Variants in IRAG1 observed in about 807,000 individuals in gnomAD.
The protein encoded by IRAG1 is IP3R-associated cGMP kinase substrate.
In IRAG1, 62 loss-of-function variants were observed where a neutral mutation model predicts 106.2. That is an observed-to-expected ratio of 0.58 (90% CI 0.48 to 0.72). The LOEUF is 0.72. Ranked by LOEUF, IRAG1 falls within the 30% of genes least tolerant of loss-of-function variation. The pLI, the probability that IRAG1 is intolerant of heterozygous loss-of-function variation, is 0.00. For missense variants in IRAG1, 1,064 were observed against 1,140.7 expected (o/e 0.93, Z 0.97); for synonymous variants, 462 against 443.9 (o/e 1.04, Z -0.51).
chr11:10,579,240 C>G (rs1851145530), intron 20 of IRAG1, among the ~76,000 whole-genome samples: 1 of 152,164 alleles, frequency 6.6e-6, no homozygotes, highest in Admixed American at 6.5e-5. Context: ...GAATTCTCCA[C>G]CAACTGGGCT....
At position 10,657,129 on chromosome 11, in the gene IRAG1, G is replaced by A. The variant is rs746069651; in HGVS notation, c.68-4947C>T. On this transcript the variant is annotated intron_variant, in intron 1 of 20. Coordinates refer to ENST00000423302, the MANE Select transcript of IRAG1 (RefSeq NM_130385.4). This position sits in a 1 kb window ranked among gnomAD's most constrained non-coding sequence, Gnocchi z 4.1. ...GAAAGTATAGAGCCATCATCGGGAC[G>A]CACGGTTCAGGAACAGAATTTACAG... Among the ~76,000 whole-genome samples the A allele has an allele frequency of 1.3e-5, 2 of 152,154 alleles. No homozygotes were observed. The highest frequency in any genetic ancestry group is 2.4e-5 in the African/African-American group (1 of 41,408).
At chr11:10,627,383 G>A (rs1433566809) in intron 8 of IRAG1, among the ~76,000 whole-genome samples, 3 of 152,132 alleles carry the variant, frequency 2.0e-5, no homozygotes, top group African/African-American at 7.2e-5. Context: ...AGGGGCTGGC[G>A]CTTTCCTGCC....
At chr11:10,617,850 T>C (rs1401473601) in intron 10 of IRAG1, among the ~76,000 whole-genome samples, 1 of 152,156 alleles carries the variant, frequency 6.6e-6, no homozygotes, top group African/African-American at 2.4e-5. Context: ...ACCACCTCAT[T>C]ACCTCTCACC....
At chr11:10,599,175 G>A (rs1853669092) in intron 15 of IRAG1, among the ~76,000 whole-genome samples, 1 of 152,216 alleles carries the variant, frequency 6.6e-6, no homozygotes, top group African/African-American at 2.4e-5. Flanking sequence ...TCGGAAGTCT[G>A]CTTTCTTCTG....
intron 1 of IRAG1, among the ~76,000 whole-genome samples, chr11:10,663,229 A>C (rs1334355812): frequency 6.6e-6 from 1 of 152,170 alleles, no homozygotes; most frequent in Non-Finnish European, 1.5e-5. Flanking sequence ...ATAAATAAAT[A>C]AATAAGCAAA....
intron 10 of IRAG1, among the ~76,000 whole-genome samples, chr11:10,615,569 T>G (rs1180221358): frequency 6.6e-6 from 1 of 152,178 alleles, no homozygotes; most frequent in Admixed American, 6.5e-5. Context: ...TAAGAAAATG[T>G]GGCACATATA....
intron 20 of IRAG1, 77 bp downstream of exon 20, chr11:10,580,378 G>C (rs1410222968): frequency 1.3e-6 from 2 of 1,557,622 alleles, no homozygotes; most frequent in African/African-American, 2.8e-5. Flanking sequence ...CATTTCCAGG[G>C]ATTTTGTGCA....
intron 1 of IRAG1, among the ~76,000 whole-genome samples, chr11:10,682,393 AGGGACAACTTGCCAAAT>A (rs1861327752): frequency 6.6e-6 from 1 of 152,232 alleles, no homozygotes; most frequent in African/African-American, 2.4e-5. Context: ...ATCGTGATAT[AGGGACAACTTGCCAAAT>A]GTTTTCAGGT....
chr11:10,604,347 A>G (rs1854302173), intron 13 of IRAG1, 58 bp downstream of exon 13: 2 of 1,605,584 alleles, frequency 1.2e-6, no homozygotes, highest in Non-Finnish European at 8.5e-7. Flanking sequence ...GACACCCTGT[A>G]TGGCCCTTGG....
chr11:10,648,257 G>A (rs925096008), intron 2 of IRAG1, among the ~76,000 whole-genome samples: 2 of 152,138 alleles, frequency 1.3e-5, no homozygotes, highest in Non-Finnish European at 2.9e-5. Flanking sequence ...CCGGCTATTC[G>A]GGAGGCTGAG....
At chr11:10,680,495 AAG>A (rs1215454444) in intron 1 of IRAG1, among the ~76,000 whole-genome samples, 1 of 133,332 alleles carries the variant, frequency 7.5e-6, no homozygotes, top group African/African-American at 3.0e-5. Flanking sequence ...GGGAGGGAGA[AAG>A]AGAGAGAAAG....
rs992281745 is a variant in IRAG1, at chr11:10,657,938, T to C, written c.68-5756A>G. On this transcript the variant is annotated intron_variant, in intron 1 of 20. Coordinates refer to ENST00000423302, the MANE Select transcript of IRAG1 (RefSeq NM_130385.4). This position sits in a 1 kb window ranked among gnomAD's most constrained non-coding sequence, Gnocchi z 4.1. ...GTCAGAAAAGTCCCCAGAGCACCCATGCCCCGAGCCCGGCTGCATGTGGCA... is the reference window on the plus strand; with the variant it reads ...GTCAGAAAAGTCCCCAGAGCACCCACGCCCCGAGCCCGGCTGCATGTGGCA... Among the ~76,000 whole-genome samples the C allele has an allele frequency of 6.6e-6, 1 of 152,230 alleles. No homozygotes were observed. Among genetic ancestry groups the C allele is most frequent in the African/African-American group, 2.4e-5 (1 of 41,464 alleles).
At position 10,615,599 on chromosome 11, in the gene IRAG1, C is replaced by G. The variant is rs562766992; in HGVS notation, c.1448-5748G>C. Among the ~76,000 whole-genome samples the G allele has an allele frequency of 3.6e-3, 554 of 152,044 alleles. 1 individual carries two copies. The highest frequency in any genetic ancestry group is 4.4e-3 in the Non-Finnish European group (300 of 67,970). On this transcript the variant is annotated intron_variant, in intron 10 of 20. Transcript: ENST00000423302. The stretch of plus-strand genomic sequence containing the variant: ...CATATACACCATGGAATACTATGCA[C>G]CCATAAAAAAGGATGAGTTCATGTC...
At chr11:10,603,588 T>C (rs565647799) in intron 13 of IRAG1, among the ~76,000 whole-genome samples, 46 of 152,230 alleles carry the variant, frequency 3.0e-4, no homozygotes, top group Admixed American at 5.9e-4. Flanking sequence ...TAACAGGCCA[T>C]GGTTTGGTAC....
In IRAG1 at chr11:10,685,411, G is replaced by A. The variant is rs1328153339; in HGVS notation, c.67+8125C>T. Among the ~76,000 whole-genome samples the A allele has an allele frequency of 1.9e-4, 17 of 88,072 alleles. No homozygotes were observed. The South Asian group carries it at 6.1e-3, about 32-fold the overall frequency. The allele number at this position is 88,072 out of a possible 152,430, so 57.8% of individuals were successfully genotyped here. On this transcript the variant is annotated intron_variant, in intron 1 of 20. Coordinates refer to ENST00000423302, the MANE Select transcript of IRAG1 (RefSeq NM_130385.4). Reference sequence around the variant, plus strand: ...AGCGTGGGTGATGCAGCAAGATTCCGTTCCCAAAAAAAAAAAAAAAGAATT... The same window carrying A: ...AGCGTGGGTGATGCAGCAAGATTCCATTCCCAAAAAAAAAAAAAAAGAATT...
intron 15 of IRAG1, among the ~76,000 whole-genome samples, chr11:10,594,813 CAATTT>C (rs1319732781): frequency 1.3e-5 from 2 of 152,162 alleles, no homozygotes; most frequent in Admixed American, 6.5e-5. Context: ...TAGTTCAATT[CAATTT>C]GATTCAGTTT....
intron 3 of IRAG1, among the ~76,000 whole-genome samples, chr11:10,633,120 G>GCCGGA (rs1856838547): frequency 6.9e-6 from 1 of 144,770 alleles, no homozygotes; most frequent in Non-Finnish European, 1.5e-5. Flanking sequence ...TGTCGCCCAG[G>GCCGGA]CTGGAGTGCA....
intron 1 of IRAG1, among the ~76,000 whole-genome samples, chr11:10,655,661 CTT>C (rs776011240): frequency 6.6e-6 from 1 of 152,104 alleles, no homozygotes; most frequent in Admixed American, 6.5e-5. Context: ...ATCCTGGACT[CTT>C]TTTAGCTACA....
intron 17 of IRAG1, among the ~76,000 whole-genome samples, chr11:10,592,766 G>A (rs1197320324): frequency 6.6e-6 from 1 of 152,138 alleles, no homozygotes; most frequent in Non-Finnish European, 1.5e-5. Flanking sequence ...GCATCAGGAA[G>A]AAAATAAAAA....
Sources: allele counts gnomAD v4.1 joint callset (sites outside exome capture counted in the v4.1 genomes callset), GRCh38; gene constraint gnomAD v4.1.1; non-coding constraint Gnocchi (gnomAD v3.1); transcripts MANE v1.5; gene names NCBI Gene and HGNC (gene_info 2026-07-23, HGNC 2026-07-21).